The following HACE1 variants were observed in gnomAD, a reference collection of about 807,000 sequenced individuals.
HACE1 encodes the protein HECT domain and ankyrin repeat containing E3 ubiquitin protein ligase 1.
In HACE1, 73 loss-of-function variants were observed where a neutral mutation model predicts 118.4. The ratio of observed to expected loss-of-function variants is 0.62; its 90% CI spans 0.51 to 0.75. The LOEUF is 0.75. Among genes scored for constraint, HACE1 ranks in the 30% least tolerant of loss-of-function variants. The pLI is 0.00. For missense variants in HACE1, 749 were observed against 1,102.2 expected, an observed-to-expected ratio of 0.68 and a Z score of 4.54; for synonymous variants, 368 against 374.8, an observed-to-expected ratio of 0.98 and a Z score of 0.21.
At chr6:104,807,440 G>A (rs1378379003) in intron 7 of HACE1, among the ~76,000 whole-genome samples, 1 of 152,104 alleles carries the variant, frequency 6.6e-6, no homozygotes, top group African/African-American at 2.4e-5. Context: ...CTCTAGTAGA[G>A]ACCTCTAAAA....
intron 5 of HACE1, among the ~76,000 whole-genome samples, chr6:104,841,181 G>A (rs1314371786): frequency 6.6e-6 from 1 of 152,096 alleles, no homozygotes; most frequent in East Asian, 1.9e-4. Flanking sequence ...GGAGGTTGGG[G>A]AGGAAGGCCA....
chr6:104,846,038 G>A (rs1050805627), intron 4 of HACE1, among the ~76,000 whole-genome samples: 1 of 152,154 alleles, frequency 6.6e-6, no homozygotes, highest in African/African-American at 2.4e-5. Flanking sequence ...AATGAGCCAG[G>A]GAAATAGGCC....
chr6:104,803,247 G>A (rs908642965), intron 7 of HACE1, among the ~76,000 whole-genome samples: 6 of 152,076 alleles, frequency 3.9e-5, no homozygotes, highest in East Asian at 1.9e-4. Context: ...ATTCACAGCC[G>A]AATTCTACCA....
chr6:104,795,798 T>C, intron 9 of HACE1, 113 bp from the exon 10 acceptor site: 1 of 681,478 alleles, frequency 1.5e-6, no homozygotes, highest in South Asian at 1.7e-5. Flanking sequence ...TCAAGTCCTT[T>C]AGTTATTTTG....
Position 104,796,715 on chromosome 6 carries a change from G to C in HACE1, c.756C>G (p.His252Gln). ...GAATAATAGTCTGAAAAAGCCTCGG[G>C]TGATATTGAATTAATACTTCACAAG... ...GETCEVLIQY[H>Q]PRLFQTIIQM... Residue 252 changes from histidine to glutamine, a missense_variant, in exon 9 of 24, where the codon CAC becomes CAG. His to Gln is a conservative substitution (Grantham distance 24). This residue lies in a region of HACE1 where 267 missense variants were observed against 312.2 expected (regional missense o/e 0.86). Coordinates refer to ENST00000262903, the MANE Select transcript of HACE1 (RefSeq NM_020771.4). 1 of 1,593,658 alleles carries C rather than the reference G, an allele frequency of 6.3e-7. No homozygotes were observed. Among genetic ancestry groups the C allele is most frequent in the Non-Finnish European group, 8.6e-7 (1 of 1,162,354 alleles).
chr6:104,836,146 G>C (rs1774510047), intron 5 of HACE1, among the ~76,000 whole-genome samples: 1 of 152,084 alleles, frequency 6.6e-6, no homozygotes, highest in African/African-American at 2.4e-5. Flanking sequence ...CAAGAAAAAA[G>C]CAAAAGGAAT....
intron 20 of HACE1, among the ~76,000 whole-genome samples, chr6:104,746,098 G>C (rs1258789893): frequency 6.6e-6 from 1 of 152,138 alleles, no homozygotes; most frequent in African/African-American, 2.4e-5. Flanking sequence ...TTTTGTTCTG[G>C]AAAATGCAAT....
At chr6:104,771,147 G>A (rs1373960868) in intron 19 of HACE1, 46 bp downstream of exon 19, 31 of 1,375,748 alleles carry the variant, frequency 2.3e-5, no homozygotes, top group Non-Finnish European at 3.2e-5. Flanking sequence ...CAAACTATCA[G>A]GGCCAAGTTA....
chr6:104,781,945 T>C (rs1196022132), intron 14 of HACE1, among the ~76,000 whole-genome samples: 3 of 152,172 alleles, frequency 2.0e-5, no homozygotes, highest in Non-Finnish European at 2.9e-5. Flanking sequence ...TTTGACTAAA[T>C]TGTCCAGGAA....
chr6:104,820,407 C>T (rs1413857698), intron 6 of HACE1, among the ~76,000 whole-genome samples: 2 of 151,912 alleles, frequency 1.3e-5, no homozygotes, highest in Non-Finnish European at 2.9e-5. Flanking sequence ...AACAGAAAAC[C>T]TACAGAACAA....
In HACE1 at chr6:104,859,852, G is replaced by A. The variant is rs983005197; in HGVS notation, c.-210C>T. On this transcript the variant is annotated 5_prime_UTR_variant, in exon 1 of 24. Transcript: ENST00000262903. ...ACCGACCACCTACAGTACACCCGCCGCCGCCTCTGCTCGCGCCTTTCCTGC... is the reference window on the plus strand; with the variant it reads ...ACCGACCACCTACAGTACACCCGCCACCGCCTCTGCTCGCGCCTTTCCTGC... 1.2e-5 allele frequency: 6 copies of A among 505,348 alleles called. No individual in the cohort carries two copies. In the Admixed American group the frequency reaches 1.7e-4, roughly 15 times the overall value. 31.3% of individuals were successfully genotyped at this position (505,348 alleles called of 1,614,324 possible). A position where few individuals can be genotyped will look rare whatever the true frequency, so the allele number is the denominator to read the frequency against.
chr6:104,845,403 G>C (rs1202761988), intron 4 of HACE1, among the ~76,000 whole-genome samples: 3 of 150,954 alleles, frequency 2.0e-5, no homozygotes, highest in South Asian at 4.2e-4. Flanking sequence ...TTTTGTACTT[G>C]TAATGAAGTT....
chr6:104,816,773 T>A (rs76549866), intron 6 of HACE1, among the ~76,000 whole-genome samples: 1 of 152,096 alleles, frequency 6.6e-6, no homozygotes. Flanking sequence ...ACGTACTCAA[T>A]GTCAGCCTGT....
At chr6:104,848,778 G>A (rs962236942) in intron 4 of HACE1, among the ~76,000 whole-genome samples, 1 of 152,012 alleles carries the variant, frequency 6.6e-6, no homozygotes, top group Non-Finnish European at 1.5e-5. Flanking sequence ...CAGAAAAAAA[G>A]CACACTAAAA....
intron 19 of HACE1, among the ~76,000 whole-genome samples, chr6:104,765,694 T>C (rs1779922289): frequency 6.6e-6 from 1 of 152,332 alleles, no homozygotes; most frequent in Non-Finnish European, 1.5e-5. Context: ...TTCATTATGA[T>C]AGATCTTTGC....
At chr6:104,812,537 C>T (rs1166539907) in intron 6 of HACE1, among the ~76,000 whole-genome samples, 3 of 151,902 alleles carry the variant, frequency 2.0e-5, no homozygotes, top group Admixed American at 2.0e-4. Flanking sequence ...AAACAAAGTA[C>T]AATGTCAGTA....
At chr6:104,770,015 C>T (rs1780442012) in intron 19 of HACE1, among the ~76,000 whole-genome samples, 1 of 152,038 alleles carries the variant, frequency 6.6e-6, no homozygotes, top group African/African-American at 2.4e-5. Context: ...ATGCTAATAA[C>T]AATTCTGTAT....
intron 19 of HACE1, among the ~76,000 whole-genome samples, chr6:104,753,242 T>A (rs1778255520): frequency 1.3e-5 from 2 of 152,212 alleles, no homozygotes; most frequent in Admixed American, 1.3e-4. Context: ...GGTATCTCAC[T>A]GGGACCGAGC....
At chr6:104,827,238 A>G (rs1773428103) in intron 6 of HACE1, among the ~76,000 whole-genome samples, 1 of 152,220 alleles carries the variant, frequency 6.6e-6, no homozygotes, top group African/African-American at 2.4e-5. Context: ...TAGATATTCA[A>G]TGATAAAACT....
Sources: gnomAD v4.1 joint callset for allele counts (sites outside exome capture counted in the v4.1 genomes callset) on GRCh38, gnomAD v4.1.1 for gene constraint, gnomAD v4.1.1 regional missense constraint, MANE v1.5 for transcripts, NCBI Gene and HGNC (gene_info 2026-07-23, HGNC 2026-07-21) for gene names.